Variants in TMEM178B observed in about 807,000 individuals in gnomAD.
The protein encoded by TMEM178B is transmembrane protein 178B.
TMEM178B carries 5 observed loss-of-function variants against 31.0 expected under a neutral mutation model. That is an observed-to-expected ratio of 0.16 (90% confidence interval 0.08 to 0.34). The LOEUF (loss-of-function observed/expected upper bound fraction) is 0.34, where lower values mean the gene tolerates loss of function less well. TMEM178B is among the 10% of genes least tolerant of loss of function. TMEM178B has a pLI of 1.00. For missense variants in TMEM178B, 275 were observed against 400.3 expected, an observed-to-expected ratio of 0.69 and a Z score of 2.67; for synonymous variants, 164 against 164.0, an observed-to-expected ratio of 1.00 and a Z score of 0.00.
chr7:141,465,363 G>A (rs1802132102), intron 3 of TMEM178B, among the ~76,000 whole-genome samples: 2 of 151,976 alleles, frequency 1.3e-5, no homozygotes, highest in Non-Finnish European at 1.5e-5. Flanking sequence ...TATTTTCCTA[G>A]AGGACCTGCC....
chr7:141,503,164 C>A, the TMEM178B span, among the ~76,000 whole-genome samples: 1 of 152,312 alleles, frequency 6.6e-6, no homozygotes, highest in Non-Finnish European at 1.5e-5. Context: ...CTCATTTGGA[C>A]TATTTTACAC....
chr7:141,470,733 G>T lies in TMEM178B; in HGVS notation c.832G>T (p.Val278Phe), dbSNP rs1259312200. Residue 278 changes from valine to phenylalanine, a missense_variant, in exon 4 of 4, where the codon GTC becomes TTC. Coordinates refer to ENST00000565468, the MANE Select transcript of TMEM178B (RefSeq NM_001195278.2). ...FCTLAPSVQPVPRTNYPKSRP... is the reference protein window; with the variant it reads ...FCTLAPSVQPFPRTNYPKSRP... ...TACCTTAGCCCCTTCTGTTCAACCT[G>T]TCCCGAGGACCAACTACCCTAAATC... 1 of 1,533,262 alleles carries T rather than the reference G, an allele frequency of 6.5e-7. No homozygotes were observed. The allele number at this position is 1,533,262 out of a possible 1,614,324, so 95.0% of individuals were successfully genotyped here.
chr7:141,325,548 G>T (rs578094969), intron 2 of TMEM178B, among the ~76,000 whole-genome samples: 2 of 152,258 alleles, frequency 1.3e-5, no homozygotes, highest in Admixed American at 1.3e-4. Context: ...GTCTCCATAG[G>T]GATTGGGCTT....
At chr7:141,092,522 A>G (rs909036561) in intron 1 of TMEM178B, among the ~76,000 whole-genome samples, 9 of 152,200 alleles carry the variant, frequency 5.9e-5, no homozygotes, top group Non-Finnish European at 1.2e-4. Context: ...CTTCTCCTTC[A>G]TGATGCATGG....
chr7:141,232,520 T>C (rs1797464196), intron 2 of TMEM178B, among the ~76,000 whole-genome samples: 1 of 152,204 alleles, frequency 6.6e-6, no homozygotes, highest in African/African-American at 2.4e-5. Flanking sequence ...TGTGAGATGG[T>C]ATCTCATTGT....
At chr7:141,204,510 G>C (rs1796931543) in intron 1 of TMEM178B, among the ~76,000 whole-genome samples, 1 of 152,174 alleles carries the variant, frequency 6.6e-6, no homozygotes, top group South Asian at 2.1e-4. Flanking sequence ...AATCGGAGGT[G>C]AACGGAGGGG....
intron 1 of TMEM178B, among the ~76,000 whole-genome samples, chr7:141,201,657 C>T (rs1469775938): frequency 6.6e-5 from 10 of 152,088 alleles, no homozygotes; most frequent in African/African-American, 2.4e-4. Context: ...AGTGGCTTGT[C>T]CTGGGAATGG....
chr7:141,335,126 T>G (rs1415177023), intron 2 of TMEM178B, among the ~76,000 whole-genome samples: 2 of 152,094 alleles, frequency 1.3e-5, no homozygotes, highest in Non-Finnish European at 2.9e-5. Context: ...GTTGCTCAGG[T>G]GGGGCAGCCT....
intron 1 of TMEM178B, among the ~76,000 whole-genome samples, chr7:141,170,563 A>C (rs1476502885): frequency 6.6e-6 from 1 of 152,214 alleles, no homozygotes; most frequent in Non-Finnish European, 1.5e-5. Context: ...ATTGCTCTGC[A>C]AATGATACAA....
chr7:141,316,579 A>G (rs1487836729), intron 2 of TMEM178B, among the ~76,000 whole-genome samples: 1 of 152,026 alleles, frequency 6.6e-6, no homozygotes. Flanking sequence ...TCATCCACAC[A>G]CTTACACACA....
chr7:141,282,951 G>A (rs73737735), intron 2 of TMEM178B, among the ~76,000 whole-genome samples: 2,889 of 152,310 alleles, frequency 0.019, 91 homozygotes, highest in African/African-American at 0.056. Context: ...ACACTGTGCT[G>A]AGTCTAGTTT....
intron 1 of TMEM178B, among the ~76,000 whole-genome samples, chr7:141,207,332 G>A (rs1563117644): frequency 1.3e-5 from 2 of 152,166 alleles, no homozygotes. Context: ...AAGATTGCTG[G>A]ATCATTCGTA....
chr7:141,339,816 G>A (rs1240408576), intron 2 of TMEM178B, among the ~76,000 whole-genome samples: 1 of 152,244 alleles, frequency 6.6e-6, no homozygotes, highest in Non-Finnish European at 1.5e-5. Context: ...ATGGGCTCAT[G>A]TTAGTAGAAA....
intron 3 of TMEM178B, among the ~76,000 whole-genome samples, chr7:141,452,365 A>T (rs1174762589): frequency 6.6e-6 from 1 of 152,214 alleles, no homozygotes; most frequent in African/African-American, 2.4e-5. Context: ...GGCACCCAAC[A>T]CATGTCTGCT....
intron 1 of TMEM178B, among the ~76,000 whole-genome samples, chr7:141,151,603 T>C (rs1266595378): frequency 1.3e-5 from 2 of 152,022 alleles, no homozygotes; most frequent in East Asian, 1.9e-4. Context: ...ATCGGGAGGA[T>C]TGATGGTGAA....
Position 141,471,098 on chromosome 7 carries a change from G to T in TMEM178B, c.*312G>T, listed in dbSNP as rs1802234160. On this transcript the variant is annotated 3_prime_UTR_variant, in exon 4 of 4. Transcript: ENST00000565468. This position sits in a 1 kb window ranked among gnomAD's most constrained non-coding sequence, Gnocchi z 4.1. ...TGGGGTGGTGAAGGGACAGTGGAAG[G>T]GGTCTGAGGCAGCACAGATGTAGAG... The T allele has an allele frequency of 6.6e-6, 1 of 152,516 alleles. No homozygotes were observed. The highest frequency in any genetic ancestry group is 2.4e-5 in the African/African-American group (1 of 41,416). The allele number at this position is 152,516 out of a possible 1,614,324, so 9.4% of individuals were successfully genotyped here.
chr7:141,243,752 G>C (rs918644567), intron 2 of TMEM178B, among the ~76,000 whole-genome samples: 4 of 152,212 alleles, frequency 2.6e-5, no homozygotes, highest in Non-Finnish European at 5.9e-5. Context: ...GGGCTGAGAA[G>C]AGGTGAAGCC....
chr7:141,413,549 C>T (rs1030699403), intron 2 of TMEM178B, among the ~76,000 whole-genome samples: 1 of 152,176 alleles, frequency 6.6e-6, no homozygotes, highest in Non-Finnish European at 1.5e-5. Flanking sequence ...ATCCTTTTTT[C>T]TGGCATTCTT....
At chr7:141,480,874 GAGGGA>G (rs1802463238), downstream of TMEM178B, among the ~76,000 whole-genome samples, 1 of 152,236 alleles carries the variant, frequency 6.6e-6, no homozygotes, top group African/African-American at 2.4e-5. Context: ...GCTAGGGGAG[GAGGGA>G]AGTGGACTGG....
Sources: gnomAD v4.1 joint callset for allele counts (sites outside exome capture counted in the v4.1 genomes callset) on GRCh38, gnomAD v4.1.1 for gene constraint, Gnocchi (gnomAD v3.1) non-coding constraint, MANE v1.5 for transcripts, NCBI Gene and HGNC (gene_info 2026-07-23, HGNC 2026-07-21) for gene names.